NTM: variants seen among roughly 807,000 people sequenced by gnomAD.
NTM encodes IgLON family member 2.
In NTM, 13 loss-of-function variants were observed where a neutral mutation model predicts 42.1. That is an observed-to-expected ratio of 0.31 (90% CI 0.20 to 0.49). The LOEUF is 0.49. Among genes scored for constraint, NTM ranks in the 20% least tolerant of loss-of-function variants. NTM has a pLI of 0.99. For synonymous variants in NTM, 187 were observed against 179.2 expected (o/e 1.04, Z -0.35); for missense variants, 373 against 452.8 (o/e 0.82, Z 1.60).
chr11:132,098,481 G>A (rs773160546), intron 2 of NTM, among the ~76,000 whole-genome samples: 1 of 152,192 alleles, frequency 6.6e-6, no homozygotes, highest in Non-Finnish European at 1.5e-5. Flanking sequence ...TGCTTCATGG[G>A]TGGCAGCTGT....
intron 1 of NTM, among the ~76,000 whole-genome samples, chr11:131,699,042 G>A (rs7119346): frequency 0.07 from 10,717 of 152,258 alleles, 1,224 homozygotes; most frequent in African/African-American, 0.24. Flanking sequence ...GCAGGAATAT[G>A]TGATTGTCAA....
chr11:131,496,689 G>A (rs915232622), intron 1 of NTM, among the ~76,000 whole-genome samples: 1 of 152,204 alleles, frequency 6.6e-6, no homozygotes, highest in Non-Finnish European at 1.5e-5. Flanking sequence ...GCTTGTTCCA[G>A]TTCAATAATG....
At chr11:132,203,614 C>T (rs1167503179) in intron 3 of NTM, among the ~76,000 whole-genome samples, 1 of 152,112 alleles carries the variant, frequency 6.6e-6, no homozygotes, top group African/African-American at 2.4e-5. Context: ...TGAAAAAACA[C>T]TGCGCGGTGG....
intron 3 of NTM, among the ~76,000 whole-genome samples, chr11:132,210,116 C>T (rs971863814): frequency 4.6e-5 from 7 of 152,318 alleles, no homozygotes; most frequent in East Asian, 1.9e-4. Flanking sequence ...ATAAAGTCAT[C>T]GTGCAGCTTC....
intron 2 of NTM, among the ~76,000 whole-genome samples, chr11:132,076,740 T>G (rs1308545298): frequency 6.6e-6 from 1 of 152,156 alleles, no homozygotes; most frequent in Non-Finnish European, 1.5e-5. Flanking sequence ...TTTTTTCTAT[T>G]TATAAAATAA....
chr11:132,147,214 T>TGTGTGAGA (rs1337361068), intron 3 of NTM, among the ~76,000 whole-genome samples: 63 of 122,890 alleles, frequency 5.1e-4, no homozygotes, highest in African/African-American at 2.0e-3. Context: ...TGTGTGTGTG[T>TGTGTGAGA]GAGAGAGAGA....
At chr11:132,161,318 C>A (rs1474643308) in intron 3 of NTM, among the ~76,000 whole-genome samples, 1 of 147,022 alleles carries the variant, frequency 6.8e-6, no homozygotes, top group African/African-American at 2.5e-5. Context: ...CTCTTCTTTG[C>A]TATTTTCCAC....
intron 2 of NTM, among the ~76,000 whole-genome samples, chr11:131,941,849 T>C (rs908396978): frequency 1.3e-5 from 2 of 152,208 alleles, no homozygotes; most frequent in African/African-American, 4.8e-5. Flanking sequence ...CATTGCCCTT[T>C]AGTCTAGGTG....
intron 1 of NTM, among the ~76,000 whole-genome samples, chr11:131,698,494 G>A (rs759245020): frequency 3.3e-5 from 5 of 152,208 alleles, no homozygotes; most frequent in East Asian, 1.9e-4. Context: ...ATAACAACAC[G>A]ATGAGGCAGA....
chr11:131,986,024 C>G (rs1159292196), intron 2 of NTM, among the ~76,000 whole-genome samples: 1 of 152,182 alleles, frequency 6.6e-6, no homozygotes, highest in Non-Finnish European at 1.5e-5. Context: ...ATAGTTATTT[C>G]CCCTCTGAAT....
chr11:132,262,096 G>A lies in NTM; in HGVS notation c.527-45593G>A, dbSNP rs539011719. Among the ~76,000 whole-genome samples the A allele has an allele frequency of 9.2e-5, 14 of 152,110 alleles. No homozygotes were observed. The East Asian group carries it at 2.3e-3, about 25-fold the overall frequency. On this transcript the variant is annotated intron_variant, in intron 4 of 8. Transcript: ENST00000683400. ...CACCCCCACCCTATACAGAATCCAC[G>A]GAACCCTGCTGGCATTGTGCCTGTA...
At chr11:131,471,789 G>A (rs964136674) in intron 1 of NTM, among the ~76,000 whole-genome samples, 26 of 152,328 alleles carry the variant, frequency 1.7e-4, no homozygotes, top group African/African-American at 5.5e-4. Flanking sequence ...TGCTCCTGGA[G>A]GTTCTGTCTG....
At chr11:131,911,472 G>A (rs778322690) in intron 1 of NTM, 92 bp from the exon 2 acceptor site, 2 of 1,614,094 alleles carry the variant, frequency 1.2e-6, no homozygotes, top group Admixed American at 3.3e-5. Flanking sequence ...GGAAGTTGTG[G>A]CTGTCGAGAA....
chr11:131,536,443 T>A (rs2052242429), intron 1 of NTM: 2 of 152,222 alleles, frequency 1.3e-5, no homozygotes, highest in Admixed American at 1.3e-4. Flanking sequence ...AAGTGCTTTA[T>A]TAGAGTTTGT....
At chr11:131,718,781 A>G (rs957250389) in intron 1 of NTM, among the ~76,000 whole-genome samples, 1 of 152,054 alleles carries the variant, frequency 6.6e-6, no homozygotes, top group African/African-American at 2.4e-5. Context: ...CAACTCTGGG[A>G]GTCCTCTAGC....
intron 2 of NTM, among the ~76,000 whole-genome samples, chr11:132,139,790 G>A (rs183553267): frequency 2.6e-5 from 4 of 152,228 alleles, no homozygotes; most frequent in African/African-American, 7.2e-5. Context: ...TTTATCTCTC[G>A]GGAGTTTGTG....
intron 2 of NTM, among the ~76,000 whole-genome samples, chr11:131,931,006 G>C (rs2058535163): frequency 6.6e-6 from 1 of 152,166 alleles, no homozygotes; most frequent in Admixed American, 6.5e-5. Flanking sequence ...AATAAAAGCA[G>C]AAAGGCTTTG....
intron 1 of NTM, among the ~76,000 whole-genome samples, chr11:131,475,839 GA>G (rs1952875982): frequency 6.6e-6 from 1 of 151,948 alleles, no homozygotes; most frequent in Admixed American, 6.6e-5. Context: ...ACACAGTGAG[GA>G]AAAAATGATG....
At chr11:131,954,311 A>G (rs1440859041) in intron 2 of NTM, among the ~76,000 whole-genome samples, 1 of 152,228 alleles carries the variant, frequency 6.6e-6, no homozygotes, top group African/African-American at 2.4e-5. Context: ...TGCTCTGACC[A>G]GACCTAGTGA....
Sources: allele counts gnomAD v4.1 joint callset (sites outside exome capture counted in the v4.1 genomes callset), GRCh38; gene constraint gnomAD v4.1.1; transcripts MANE v1.5; gene names NCBI Gene and HGNC (gene_info 2026-07-23, HGNC 2026-07-21).